Variants in DLGAP2 observed in about 807,000 individuals in gnomAD.
The protein encoded by DLGAP2 is DLG associated protein 2.
DLGAP2 carries 26 observed loss-of-function variants against 100.3 expected under a neutral mutation model. The observed-to-expected ratio is 0.26, with a 90% confidence interval of 0.19 to 0.36. The LOEUF is 0.36. Among genes scored for constraint, DLGAP2 ranks in the 10% least tolerant of loss-of-function variants. DLGAP2 has a pLI of 1.00. For missense variants in DLGAP2, 1,858 were observed against 1,453.2 expected, an observed-to-expected ratio of 1.28 and a Z score of -4.53; for synonymous variants, 886 against 630.1, an observed-to-expected ratio of 1.41 and a Z score of -6.08.
At chr8:1,277,125 A>T (rs960299124) in intron 3 of DLGAP2, among the ~76,000 whole-genome samples, 1 of 152,178 alleles carries the variant, frequency 6.6e-6, no homozygotes, top group Non-Finnish European at 1.5e-5. Context: ...ATGCTCATTC[A>T]TGATTATTTC....
At chr8:1,411,052 C>T (rs1036750586) in intron 3 of DLGAP2, among the ~76,000 whole-genome samples, 2 of 152,108 alleles carry the variant, frequency 1.3e-5, no homozygotes, top group Non-Finnish European at 2.9e-5. Context: ...TAAAAGGTGA[C>T]TAAAGTGTCA....
At chr8:1,568,353 CCCA>C in intron 6 of DLGAP2, among the ~76,000 whole-genome samples, 1 of 79,080 alleles carries the variant, frequency 1.3e-5, no homozygotes, top group Non-Finnish European at 2.7e-5. Flanking sequence ...GCCCGTGGCC[CCCA>C]TGCCACTGTC....
chr8:1,101,687 A>G (rs1804586078), intron 2 of DLGAP2, among the ~76,000 whole-genome samples: 1 of 149,978 alleles, frequency 6.7e-6, no homozygotes, highest in Non-Finnish European at 1.5e-5. Context: ...ACACGACACG[A>G]CGATGGGAAG....
chr8:1,549,856 T>C (rs1293859469), intron 5 of DLGAP2, among the ~76,000 whole-genome samples, 173 bp downstream of exon 5: 2 of 152,264 alleles, frequency 1.3e-5, no homozygotes, highest in Non-Finnish European at 2.9e-5. Flanking sequence ...ACACACGCAT[T>C]ACCTTACATA....
intron 2 of DLGAP2, chr8:927,168 G>C: frequency 1.0e-5 from 10 of 985,454 alleles, no homozygotes; most frequent in Non-Finnish European, 1.2e-5. Context: ...TGATGTGTCA[G>C]ATGGGGAGTG....
At chr8:1,412,889 C>T (rs1244302025) in intron 3 of DLGAP2, among the ~76,000 whole-genome samples, 1 of 152,184 alleles carries the variant, frequency 6.6e-6, no homozygotes, top group African/African-American at 2.4e-5. Context: ...CATGCTATTT[C>T]CTGTCTCCCT....
chr8:1,434,172 G>C (rs1419330855), intron 3 of DLGAP2, among the ~76,000 whole-genome samples: 2 of 152,162 alleles, frequency 1.3e-5, no homozygotes, highest in Non-Finnish European at 2.9e-5. Flanking sequence ...ACCGTCAGCA[G>C]CTCAGCCGCT....
At chr8:1,638,469 C>T (rs1356502836) in intron 8 of DLGAP2, among the ~76,000 whole-genome samples, 1 of 152,126 alleles carries the variant, frequency 6.6e-6, no homozygotes, top group Non-Finnish European at 1.5e-5. Context: ...CAATGTTGCT[C>T]TGTTACGGCA....
intron 8 of DLGAP2, among the ~76,000 whole-genome samples, chr8:1,665,376 A>G (rs1466244243): frequency 2.6e-5 from 4 of 152,172 alleles, no homozygotes; most frequent in Admixed American, 2.0e-4. Flanking sequence ...CTAACTGATT[A>G]CTTCCTCCCT....
chr8:742,902 T>C (rs1249185389), intron 1 of DLGAP2, among the ~76,000 whole-genome samples: 1 of 152,126 alleles, frequency 6.6e-6, no homozygotes, highest in Non-Finnish European at 1.5e-5. Flanking sequence ...TTAAGGAGGA[T>C]TAAATGAATT....
chr8:857,929 G>C (rs1360537895), intron 1 of DLGAP2, among the ~76,000 whole-genome samples: 3 of 151,886 alleles, frequency 2.0e-5, no homozygotes, highest in Non-Finnish European at 4.4e-5. Context: ...GGAGTGCAGT[G>C]GTGTGATCTC....
chr8:846,708 G>C (rs1797077345), intron 1 of DLGAP2, among the ~76,000 whole-genome samples: 1 of 152,110 alleles, frequency 6.6e-6, no homozygotes, highest in Non-Finnish European at 1.5e-5. Flanking sequence ...TAGGAACCTT[G>C]ATACTGTTTT....
intron 1 of DLGAP2, among the ~76,000 whole-genome samples, chr8:745,451 C>T (rs1202020346): frequency 6.6e-6 from 1 of 152,196 alleles, no homozygotes; most frequent in Non-Finnish European, 1.5e-5. Context: ...TTTAAAGCAA[C>T]CAAACAGTAT....
intron 2 of DLGAP2, among the ~76,000 whole-genome samples, chr8:1,067,967 C>T (rs1381478503): frequency 2.0e-5 from 3 of 152,164 alleles, no homozygotes; most frequent in African/African-American, 4.8e-5. Context: ...TCCTCCCTCC[C>T]TCCTCATGAA....
At chr8:800,958 C>T (rs1055845940) in intron 1 of DLGAP2, among the ~76,000 whole-genome samples, 1 of 151,968 alleles carries the variant, frequency 6.6e-6, no homozygotes, top group Non-Finnish European at 1.5e-5. Context: ...GCCCCCCCAC[C>T]CTTCCTGGGT....
intron 12 of DLGAP2, among the ~76,000 whole-genome samples, chr8:1,683,894 GTGTA>G (rs1218757082): frequency 6.0e-5 from 6 of 100,216 alleles, no homozygotes; most frequent in African/African-American, 1.3e-4. Flanking sequence ...GTGTGTGTGT[GTGTA>G]TACACATATA....
At chr8:1,509,453 A>G (rs1800079358) in intron 4 of DLGAP2, among the ~76,000 whole-genome samples, 1 of 152,154 alleles carries the variant, frequency 6.6e-6, no homozygotes, top group Non-Finnish European at 1.5e-5. Flanking sequence ...GTTCTGATGT[A>G]AAATATACGT....
intron 1 of DLGAP2, among the ~76,000 whole-genome samples, chr8:854,544 G>A (rs971364450): frequency 3.3e-5 from 5 of 152,124 alleles, no homozygotes; most frequent in Admixed American, 6.5e-5. Flanking sequence ...GGACTGACAT[G>A]TGTGTTCATG....
intron 2 of DLGAP2, among the ~76,000 whole-genome samples, chr8:1,193,222 G>A (rs1319610894): frequency 6.6e-6 from 1 of 152,128 alleles, no homozygotes; most frequent in Non-Finnish European, 1.5e-5. Flanking sequence ...GGTATTTCTA[G>A]TTCTAGATCC....
Sources: gnomAD v4.1 joint callset for allele counts (sites outside exome capture counted in the v4.1 genomes callset) on GRCh38, gnomAD v4.1.1 for gene constraint, MANE v1.5 for transcripts, NCBI Gene and HGNC (gene_info 2026-07-23, HGNC 2026-07-21) for gene names.